The following CFAP126 variants were observed in gnomAD, a reference collection of about 807,000 sequenced individuals.
CFAP126 encodes the protein protein Flattop.
In CFAP126, 21 loss-of-function variants were observed where a neutral mutation model predicts 17.1. That is an observed-to-expected ratio of 1.23 (90% CI 0.87 to 1.77). CFAP126 has a LOEUF of 1.77. CFAP126 is among the 40% of genes most tolerant of loss of function. CFAP126 has a pLI of 0.00. For synonymous variants in CFAP126, 65 were observed against 73.5 expected (o/e 0.88, Z 0.59); for missense variants, 174 against 215.4 (o/e 0.81, Z 1.20).
Position 161,365,163 on chromosome 1 carries a change from A to G in CFAP126, c.349-13T>C, listed in dbSNP as rs765054665. On this transcript the variant is annotated splice_polypyrimidine_tract_variant and intron_variant, in intron 4 of 4. Coordinates refer to ENST00000367974, the MANE Select transcript of CFAP126 (RefSeq NM_001013625.4). ...CTGGATCATGGGGCTGTCAGTGATA[A>G]GAGTGGGAGAGATAGTCATGTCTCT... 2 of 1,612,252 alleles carry G rather than the reference A, an allele frequency of 1.2e-6. No individual in the cohort carries two copies. The highest frequency in any genetic ancestry group is 2.2e-5 in the South Asian group (2 of 91,016).
At chr1:161,365,253 G>T in intron 4 of CFAP126, 103 bp from the exon 5 acceptor site, 2 of 1,197,362 alleles carry the variant, frequency 1.7e-6, no homozygotes, top group Non-Finnish European at 2.4e-6. Context: ...CATACCATGG[G>T]CAGTAGATCA....
In CFAP126 at chr1:161,365,156, A is replaced by G; in HGVS notation, c.349-6T>C. ...TGACTGTCTGGATCATGGGGCTGTC[A>G]GTGATAAGAGTGGGAGAGATAGTCA... On this transcript the variant is annotated splice_polypyrimidine_tract_variant and splice_region_variant and intron_variant, in intron 4 of 4. Coordinates refer to ENST00000367974, the MANE Select transcript of CFAP126 (RefSeq NM_001013625.4). 1.2e-6 allele frequency: 2 copies of G among 1,613,562 alleles called. No homozygotes were observed. The highest frequency in any genetic ancestry group is 1.7e-6 in the Non-Finnish European group (2 of 1,179,506).
intron 2 of CFAP126, 34 bp downstream of exon 2, chr1:161,366,404 GA>G: frequency 1.9e-6 from 3 of 1,599,750 alleles, no homozygotes; most frequent in Non-Finnish European, 2.6e-6. Flanking sequence ...GGGAGAGCAT[GA>G]GGCTATCTTG....
Position 161,365,145 on chromosome 1 carries a change from A to C in CFAP126, c.354T>G (p.His118Gln), listed in dbSNP as rs1257392225. Reference protein sequence around the residue: ...GLCPEILGKPHDPDSQKKLRK... With the variant: ...GLCPEILGKPQDPDSQKKLRK... Reference sequence around the variant, plus strand: ...TGAGTTTCTTCTGACTGTCTGGATCATGGGGCTGTCAGTGATAAGAGTGGG... The same window carrying C: ...TGAGTTTCTTCTGACTGTCTGGATCCTGGGGCTGTCAGTGATAAGAGTGGG... Residue 118 changes from histidine to glutamine, a missense_variant, in exon 5 of 5, where the codon CAT (histidine) becomes CAG (glutamine). His to Gln is a conservative substitution (Grantham distance 24). Transcript: ENST00000367974. The C allele has an allele frequency of 4.3e-6, 7 of 1,613,882 alleles. No homozygotes were observed. The African/African-American group carries it at 8.0e-5, about 18-fold the overall frequency.
At chr1:161,365,988 A>G (rs1672716860) in intron 3 of CFAP126, 1 of 615,796 alleles carries the variant, frequency 1.6e-6, no homozygotes, top group African/African-American at 1.8e-5. Context: ...ATTTATACAG[A>G]TCATTGATCA....
In CFAP126 at chr1:161,364,807, T is replaced by G; in HGVS notation, c.*158A>C. ...CCCCAAAATTTCCCTGTTTCACAGT[T>G]CTGACTGGGGGCTCTTGTTTATTTC... is the stretch of plus-strand genomic sequence containing the variant. On this transcript the variant is annotated 3_prime_UTR_variant, in exon 5 of 5. Transcript: ENST00000367974. The G allele has an allele frequency of 1.4e-6, 1 of 732,660 alleles. No homozygotes were observed. The highest frequency in any genetic ancestry group is 2.1e-6 in the Non-Finnish European group (1 of 465,646). The allele number at this position is 732,660 out of a possible 1,614,324, so 45.4% of individuals were successfully genotyped here.
chr1:161,367,012 C>T (rs34872203), intron 1 of CFAP126: 18,003 of 154,780 alleles, frequency 0.12, 1,433 homozygotes, highest in African/African-American at 0.22. Flanking sequence ...TGGCCTCAAG[C>T]GATCCTTGTG....
intron 3 of CFAP126, 144 bp from the exon 4 acceptor site, chr1:161,365,846 CCCCT>C (rs1464724454): frequency 2.2e-5 from 18 of 824,012 alleles, no homozygotes; most frequent in Middle Eastern, 7.4e-4. Flanking sequence ...CTTCCTTATC[CCCCT>C]CCCTCATTTA....
chr1:161,365,207 C>G (rs1672686671), intron 4 of CFAP126, 57 bp from the exon 5 acceptor site: 1 of 1,514,352 alleles, frequency 6.6e-7, no homozygotes, highest in Non-Finnish European at 9.1e-7. Flanking sequence ...CCGGATCATT[C>G]CTAATGCACC....
At chr1:161,367,578 C>A (rs1672776527) in intron 1 of CFAP126, 1 of 392,276 alleles carries the variant, frequency 2.5e-6, no homozygotes, top group Admixed American at 4.4e-5. Context: ...GACTTTGCCA[C>A]TTGGCCTGCA....
At chr1:161,366,407 G>T (rs1467528509) in intron 2 of CFAP126, 32 bp downstream of exon 2, 1 of 1,600,890 alleles carries the variant, frequency 6.2e-7, no homozygotes, top group East Asian at 2.2e-5. Flanking sequence ...AGAGCATGAG[G>T]CTATCTTGTA....
intron 1 of CFAP126, chr1:161,367,017 C>T (rs1672751475): frequency 6.5e-6 from 1 of 154,714 alleles, no homozygotes; most frequent in African/African-American, 2.4e-5. Flanking sequence ...TCAAGCGATC[C>T]TTGTGCCTCA....
intron 1 of CFAP126, chr1:161,367,622 G>GA (rs539169576): frequency 3.8e-5 from 16 of 416,216 alleles, no homozygotes; most frequent in Middle Eastern, 1.2e-3. Context: ...CCCTTTTACA[G>GA]AAAAAAAATT....
chr1:161,366,345 CAG>C (rs985284266), intron 2 of CFAP126, 67 bp from the exon 3 acceptor site: 1 of 1,571,662 alleles, frequency 6.4e-7, no homozygotes. Context: ...GGAGCTTGGT[CAG>C]AGAAGGATAT....
chr1:161,364,859 T>C lies in CFAP126; in HGVS notation c.*106A>G. ...CTGAGTCGCTATACGGGTTTTTCAG[T>C]GTGTGGCCACTTGGTCCATATGAAG... On this transcript the variant is annotated 3_prime_UTR_variant, in exon 5 of 5. Transcript: ENST00000367974. 9.2e-7 allele frequency: 1 copy of C among 1,082,856 alleles called. No homozygotes were observed. The highest frequency in any genetic ancestry group is 1.4e-6 in the Non-Finnish European group (1 of 740,172). 67.1% of individuals were successfully genotyped at this position (1,082,856 alleles called of 1,614,324 possible). A position where few individuals can be genotyped will look rare whatever the true frequency, so the allele number is the denominator to read the frequency against.
chr1:161,365,874 TA>T, intron 3 of CFAP126, 172 bp from the exon 4 acceptor site: 1 of 701,892 alleles, frequency 1.4e-6, no homozygotes, highest in Non-Finnish European at 2.3e-6. Flanking sequence ...TTTGCAGGCC[TA>T]ATTTTTTCAT....
At chr1:161,365,483 A>AT in intron 4 of CFAP126, 43 bp downstream of exon 4, 1 of 1,602,954 alleles carries the variant, frequency 6.2e-7, no homozygotes, top group Non-Finnish European at 8.5e-7. Flanking sequence ...TTGAAAAGAA[A>AT]TTGAGACTAC....
Position 161,365,015 on chromosome 1 carries a change from G to A in CFAP126, c.484C>T (p.His162Tyr), listed in dbSNP as rs1672676955. 5 of 1,614,096 alleles carry A rather than the reference G, an allele frequency of 3.1e-6. No individual in the cohort carries two copies. The highest frequency in any genetic ancestry group is 4.2e-6 in the Non-Finnish European group (5 of 1,180,048). ...CCTGGAGTATGACCTGCAGAGGGGT[G>A]TGAGCTTTGGAGTTCATCTGGGGAA... ...LNSPDELQSSHPSAGHTPGPQ... is the reference protein window; with the variant it reads ...LNSPDELQSSYPSAGHTPGPQ... Residue 162 changes from histidine to tyrosine, a missense_variant, in exon 5 of 5, where the codon CAC becomes TAC. His to Tyr is a moderately conservative substitution (Grantham distance 83). Transcript: ENST00000367974.
At chr1:161,365,191 T>C in intron 4 of CFAP126, 41 bp from the exon 5 acceptor site, 1 of 1,584,744 alleles carries the variant, frequency 6.3e-7, no homozygotes, top group Non-Finnish European at 8.7e-7. Context: ...ATGTCTCTGG[T>C]CAGGCCCGGA....
Sources: allele counts gnomAD v4.1 joint callset, GRCh38; gene constraint gnomAD v4.1.1; transcripts MANE v1.5; gene names NCBI Gene and HGNC (gene_info 2026-07-23, HGNC 2026-07-21).